Variants in ANKRD13A observed in about 807,000 individuals in gnomAD.
The protein encoded by ANKRD13A is ankyrin repeat domain 13A.
In ANKRD13A, 48 loss-of-function variants were observed where a neutral mutation model predicts 81.3. The observed-to-expected ratio is 0.59, with a 90% CI of 0.47 to 0.75. ANKRD13A has a LOEUF of 0.75. Among genes scored for constraint, ANKRD13A ranks in the 30% least tolerant of loss-of-function variants. ANKRD13A has a pLI of 0.00. For synonymous variants in ANKRD13A, 230 were observed against 270.1 expected, an observed-to-expected ratio of 0.85 and a Z score of 1.45; for missense variants, 612 against 734.0, an observed-to-expected ratio of 0.83 and a Z score of 1.92.
chr12:110,013,724 C>T (rs568085288), intron 3 of ANKRD13A, among the ~76,000 whole-genome samples: 1 of 152,182 alleles, frequency 6.6e-6, no homozygotes, highest in East Asian at 1.9e-4. Flanking sequence ...TGAGCCACCC[C>T]TGAGTGAGGG....
Position 110,019,306 on chromosome 12 carries a change from A to T in ANKRD13A, c.712A>T (p.Thr238Ser). The T allele has an allele frequency of 6.2e-7, 1 of 1,607,572 alleles. No homozygotes were observed. The highest frequency in any genetic ancestry group is 1.3e-5 in the African/African-American group (1 of 74,710). Residue 238 changes from threonine to serine, a missense_variant, in exon 6 of 15, where the codon ACT (threonine) becomes TCT (serine). Physicochemically the swap from Thr to Ser is moderately conservative, Grantham distance 58. Transcript: ENST00000261739. ...CCCTGTCATTAACACCAGCCTCGATACTAAAAATATTGCTTTTGAAAGGTA... is the reference window on the plus strand; with the variant it reads ...CCCTGTCATTAACACCAGCCTCGATTCTAAAAATATTGCTTTTGAAAGGTA... ...TSPVINTSLD[T>S]KNIAFERTKS...
At chr12:110,011,954 T>A (rs774337243) in intron 1 of ANKRD13A, 51 bp from the exon 2 acceptor site, 1 of 1,539,534 alleles carries the variant, frequency 6.5e-7, no homozygotes, top group Non-Finnish European at 8.9e-7. Context: ...CACATTTCCC[T>A]ATTTTAATGT....
intron 1 of ANKRD13A, among the ~76,000 whole-genome samples, chr12:110,002,203 A>G (rs971373945): frequency 1.3e-5 from 2 of 152,252 alleles, no homozygotes; most frequent in African/African-American, 4.8e-5. Flanking sequence ...AATTGGAAAC[A>G]ATATTTACTA....
chr12:110,029,127 T>C (rs1385605810), intron 10 of ANKRD13A: 1 of 197,256 alleles, frequency 5.1e-6, no homozygotes, highest in Non-Finnish European at 1.0e-5. Context: ...CCTTTCCAAA[T>C]AGAATCTAGA....
intron 11 of ANKRD13A, 27 bp from the exon 12 acceptor site, chr12:110,030,618 T>TATA (rs1311388676): frequency 7.1e-7 from 1 of 1,406,478 alleles, no homozygotes; most frequent in Non-Finnish European, 9.8e-7. Flanking sequence ...AAAGTTTACT[T>TATA]ATAAAAGTTT....
chr12:110,003,619 T>A (rs1384944240), intron 1 of ANKRD13A, among the ~76,000 whole-genome samples: 2 of 152,168 alleles, frequency 1.3e-5, no homozygotes, highest in Admixed American at 6.5e-5. Flanking sequence ...ACAGTGAGTT[T>A]ATGAAGCACT....
intron 9 of ANKRD13A, chr12:110,028,066 G>C: frequency 2.6e-6 from 1 of 387,858 alleles, no homozygotes; most frequent in African/African-American, 2.0e-5. Flanking sequence ...ACTTTATATT[G>C]CAACAGAGCA....
At chr12:110,037,334 C>T (rs1236509131) in intron 14 of ANKRD13A, 25 bp from the exon 15 acceptor site, 1 of 1,600,072 alleles carries the variant, frequency 6.2e-7, no homozygotes, top group Admixed American at 1.7e-5. Flanking sequence ...AGTGACTCTC[C>T]CTTTTTATCT....
chr12:110,014,404 T>C (rs1890685561), intron 3 of ANKRD13A, among the ~76,000 whole-genome samples: 1 of 152,166 alleles, frequency 6.6e-6, no homozygotes, highest in Non-Finnish European at 1.5e-5. Context: ...AGAGCGAGAC[T>C]CCATCTCAAA....
intron 6 of ANKRD13A, among the ~76,000 whole-genome samples, chr12:110,020,896 A>G (rs1891043758): frequency 2.0e-5 from 3 of 152,242 alleles, no homozygotes; most frequent in Admixed American, 1.3e-4. Flanking sequence ...TGAAATCTCC[A>G]AAGTCTGTGA....
At chr12:110,034,194 T>C (rs1313036320) in intron 13 of ANKRD13A, among the ~76,000 whole-genome samples, 1 of 152,226 alleles carries the variant, frequency 6.6e-6, no homozygotes, top group African/African-American at 2.4e-5. Context: ...AGACTTTCCT[T>C]TTCCTCATAT....
intron 1 of ANKRD13A, among the ~76,000 whole-genome samples, chr12:110,004,843 G>A (rs1368423933): frequency 6.6e-5 from 10 of 152,188 alleles, no homozygotes; most frequent in East Asian, 3.8e-4. Context: ...GTCAAGCACC[G>A]TGCTAAGTTA....
intron 6 of ANKRD13A, chr12:110,021,733 C>T (rs1891092878): frequency 6.6e-6 from 1 of 152,360 alleles, no homozygotes; most frequent in South Asian, 2.1e-4. Flanking sequence ...CCCCCTCTCT[C>T]ATTTTTTGAT....
At chr12:110,005,327 T>C (rs529336685) in intron 1 of ANKRD13A, among the ~76,000 whole-genome samples, 12 of 152,238 alleles carry the variant, frequency 7.9e-5, no homozygotes, top group Non-Finnish European at 1.5e-4. Context: ...GATTTTTTTG[T>C]AGAGAAAATG....
intron 2 of ANKRD13A, among the ~76,000 whole-genome samples, 185 bp downstream of exon 2, chr12:110,012,322 C>T (rs759029622): frequency 5.9e-5 from 9 of 152,034 alleles, no homozygotes; most frequent in Non-Finnish European, 8.8e-5. Context: ...ACTGTGATTG[C>T]GTCACTGCAC....
At chr12:110,028,746 AT>A (rs1031484284) in intron 10 of ANKRD13A, 104 bp downstream of exon 10, 221 of 1,455,032 alleles carry the variant, frequency 1.5e-4, no homozygotes, top group East Asian at 2.9e-4. Flanking sequence ...CACCACCCTT[AT>A]TTTTTTTTCA....
At chr12:110,000,755 C>CT (rs34586781) in intron 1 of ANKRD13A, among the ~76,000 whole-genome samples, 27,230 of 125,858 alleles carry the variant, frequency 0.22, 3,380 homozygotes, top group Admixed American at 0.31. Context: ...TTCTTTCCTT[C>CT]TTTTTTTTTT....
At chr12:110,006,937 C>A (rs558676021) in intron 1 of ANKRD13A, among the ~76,000 whole-genome samples, 1 of 152,154 alleles carries the variant, frequency 6.6e-6, no homozygotes, top group Non-Finnish European at 1.5e-5. Context: ...GTTGTTCAAG[C>A]GGCACTTGTT....
chr12:110,000,925 T>C (rs1389188621), intron 1 of ANKRD13A, among the ~76,000 whole-genome samples: 1 of 151,328 alleles, frequency 6.6e-6, no homozygotes, highest in Non-Finnish European at 1.5e-5. Flanking sequence ...GCCCGGCTAA[T>C]TTTGTATTTT....
Sources: allele counts gnomAD v4.1 joint callset (sites outside exome capture counted in the v4.1 genomes callset), GRCh38; gene constraint gnomAD v4.1.1; transcripts MANE v1.5; gene names NCBI Gene and HGNC (gene_info 2026-07-23, HGNC 2026-07-21).